ARHGEF10L: variants seen among roughly 807,000 people sequenced by gnomAD.
The protein encoded by ARHGEF10L is Rho guanine nucleotide exchange factor 10 like.
A neutral mutation model predicts 141.2 loss-of-function variants in ARHGEF10L; 69 were observed. That is an observed-to-expected ratio of 0.49 (90% CI 0.40 to 0.60). ARHGEF10L has a LOEUF of 0.60. ARHGEF10L is among the 20% of genes least tolerant of loss of function. The pLI is 0.00. For synonymous variants in ARHGEF10L, 711 were observed against 718.5 expected (o/e 0.99, Z 0.17); for missense variants, 1,482 against 1,734.3 (o/e 0.85, Z 2.58).
chr1:17,542,246 C>T (rs1167980799), intron 1 of ARHGEF10L, among the ~76,000 whole-genome samples: 7 of 151,980 alleles, frequency 4.6e-5, no homozygotes, highest in South Asian at 4.2e-4. Flanking sequence ...CGCAGGTGTT[C>T]GGGACCAGCC....
chr1:17,520,549 C>T, the ARHGEF10L span, among the ~76,000 whole-genome samples: 1 of 152,334 alleles, frequency 6.6e-6, no homozygotes, highest in Admixed American at 6.5e-5. Flanking sequence ...TCTCAGCTGT[C>T]ATTGACACCC....
intron 1 of ARHGEF10L, among the ~76,000 whole-genome samples, chr1:17,571,073 G>A (rs2077976711): frequency 6.6e-6 from 1 of 152,150 alleles, no homozygotes. Context: ...TTCAAGGGCA[G>A]GACAGGCTGG....
At chr1:17,629,400 C>T (rs1481730780) in intron 15 of ARHGEF10L, among the ~76,000 whole-genome samples, 2 of 152,198 alleles carry the variant, frequency 1.3e-5, no homozygotes, top group Non-Finnish European at 2.9e-5. Flanking sequence ...AAAATTCAGA[C>T]TTGTGGGTCT....
intron 16 of ARHGEF10L, among the ~76,000 whole-genome samples, chr1:17,633,865 G>A (rs575789562): frequency 3.3e-5 from 5 of 152,292 alleles, no homozygotes; most frequent in Non-Finnish European, 7.4e-5. Context: ...TACCGATCAC[G>A]AGTCCTGGAA....
At chr1:17,551,126 AGAG>A (rs1181875875) in intron 1 of ARHGEF10L, among the ~76,000 whole-genome samples, 8 of 152,210 alleles carry the variant, frequency 5.3e-5, no homozygotes, top group African/African-American at 1.9e-4. Context: ...CCCGTGTTGC[AGAG>A]GAGGATTCCA....
chr1:17,569,010 T>C (rs1456160417), intron 1 of ARHGEF10L, among the ~76,000 whole-genome samples: 2 of 152,228 alleles, frequency 1.3e-5, no homozygotes, highest in Non-Finnish European at 2.9e-5. Flanking sequence ...GGCCTGATCC[T>C]GATGGATCTT....
chr1:17,521,424 G>T, the ARHGEF10L span, among the ~76,000 whole-genome samples: 5 of 152,292 alleles, frequency 3.3e-5, no homozygotes, highest in Admixed American at 2.6e-4. Flanking sequence ...TCAAACTCCC[G>T]ACCTCAGTTG....
the ARHGEF10L span, among the ~76,000 whole-genome samples, chr1:17,533,602 T>C: frequency 2.6e-5 from 4 of 152,186 alleles, no homozygotes; most frequent in Non-Finnish European, 5.9e-5. Context: ...AGGACACCTG[T>C]GGCTGTCTTT....
chr1:17,636,260 C>T (rs1461961542), intron 18 of ARHGEF10L, among the ~76,000 whole-genome samples: 1 of 152,210 alleles, frequency 6.6e-6, no homozygotes. Flanking sequence ...GAGTCACGTA[C>T]TGCCAGACCC....
chr1:17,519,652 C>T, the ARHGEF10L span, among the ~76,000 whole-genome samples: 5 of 151,780 alleles, frequency 3.3e-5, no homozygotes, highest in African/African-American at 1.2e-4. Flanking sequence ...CATGGCCAAC[C>T]TGGTGAAACC....
chr1:17,636,319 T>C (rs1020038307), intron 18 of ARHGEF10L, among the ~76,000 whole-genome samples: 7 of 152,198 alleles, frequency 4.6e-5, no homozygotes, highest in Non-Finnish European at 8.8e-5. Flanking sequence ...TATATTGTTA[T>C]TCAAATATAT....
chr1:17,523,195 C>A, the ARHGEF10L span, among the ~76,000 whole-genome samples: 1 of 147,542 alleles, frequency 6.8e-6, no homozygotes, highest in Admixed American at 6.9e-5. Flanking sequence ...AAGTGATTAT[C>A]CTGCCTCAGC....
intron 22 of ARHGEF10L, among the ~76,000 whole-genome samples, chr1:17,651,987 C>T (rs2061963745): frequency 6.6e-6 from 1 of 152,226 alleles, no homozygotes; most frequent in Non-Finnish European, 1.5e-5. Context: ...CCAATTACTG[C>T]AGAAGCAGAT....
intron 25 of ARHGEF10L, among the ~76,000 whole-genome samples, chr1:17,657,116 CA>C (rs775282800): frequency 6.6e-6 from 1 of 152,118 alleles, no homozygotes; most frequent in Non-Finnish European, 1.5e-5. Context: ...GAGGGTTAGA[CA>C]ACTCCATGAG....
At chr1:17,520,373 AC>A in the ARHGEF10L span, among the ~76,000 whole-genome samples, 1 of 152,198 alleles carries the variant, frequency 6.6e-6, no homozygotes, top group Non-Finnish European at 1.5e-5. Flanking sequence ...CAACTGACAG[AC>A]GGGACCCTTC....
chr1:17,647,887 C>T (rs1023871730), intron 21 of ARHGEF10L, among the ~76,000 whole-genome samples: 5 of 151,998 alleles, frequency 3.3e-5, no homozygotes, highest in African/African-American at 9.7e-5. Flanking sequence ...GGTGACCTCC[C>T]GTGGTGAGTC....
intron 5 of ARHGEF10L, 140 bp downstream of exon 5, chr1:17,602,358 A>G: frequency 1.1e-6 from 1 of 930,678 alleles, no homozygotes; most frequent in African/African-American, 1.7e-5. Context: ...GCCCTGGAGG[A>G]CCAACCACCG....
At chr1:17,546,722 G>A (rs1242221744) in intron 1 of ARHGEF10L, among the ~76,000 whole-genome samples, 1 of 152,150 alleles carries the variant, frequency 6.6e-6, no homozygotes, top group East Asian at 1.9e-4. Flanking sequence ...GTGTTGGCAA[G>A]GCCCAGTCTG....
Position 17,603,624 on chromosome 1 carries a change from T to A in ARHGEF10L, c.433+33T>A. The A allele has an allele frequency of 6.4e-7, 1 of 1,563,102 alleles. No individual in the cohort carries two copies. Among genetic ancestry groups the A allele is most frequent in the Non-Finnish European group, 8.7e-7 (1 of 1,148,188 alleles). On this transcript the variant is annotated intron_variant, in intron 6 of 28. Transcript: ENST00000361221. The surrounding 1 kb of genome is among the most constrained non-coding windows in gnomAD (Gnocchi z 4.8). ...GTCTGCAGTGCTTCCCTGTTTCTCT[T>A]GGGGACAGGGGAGGGAGGCTGGGAC...
Sources: allele counts gnomAD v4.1 joint callset (sites outside exome capture counted in the v4.1 genomes callset), GRCh38; gene constraint gnomAD v4.1.1; non-coding constraint Gnocchi (gnomAD v3.1); transcripts MANE v1.5; gene names NCBI Gene and HGNC (gene_info 2026-07-23, HGNC 2026-07-21).